CADM1: variants seen among roughly 807,000 people sequenced by gnomAD.
CADM1 encodes the protein TSLC-1.
CADM1 carries 15 observed loss-of-function variants against 53.1 expected under a neutral mutation model. That is an observed-to-expected ratio of 0.28 (90% confidence interval 0.19 to 0.44). The LOEUF is 0.44. Ranked by LOEUF, CADM1 falls within the 20% of genes least tolerant of loss-of-function variation. The pLI, the probability that CADM1 is intolerant of heterozygous loss-of-function variation, is 1.00. For synonymous variants in CADM1, 281 were observed against 243.0 expected (o/e 1.16, Z -1.45); for missense variants, 434 against 611.3 (o/e 0.71, Z 3.06).
rs61694033 is a variant in CADM1 at position 115,196,595 on chromosome 11, TAAAAAAAAAAAAA to T, written c.1111+1798_1111+1810del. Among the ~76,000 whole-genome samples, 3 of 76,896 alleles carry T rather than the reference TAAAAAAAAAAAAA, an allele frequency of 3.9e-5. No homozygotes were observed. The Admixed American group carries it at 5.6e-4, about 14-fold the overall frequency. The allele number at this position is 76,896 out of a possible 152,430, so 50.4% of individuals were successfully genotyped here. ...ACACTAACAATGATAGCTGATGAAC[TAAAAAAAAAAAAA>T]AAAAAAAAAAAATCACAAAACAATC... On this transcript the variant is annotated intron_variant, in intron 9 of 11. Transcript: ENST00000331581.
intron 7 of CADM1, among the ~76,000 whole-genome samples, chr11:115,213,489 G>GA (rs3839949): frequency 0.62 from 93,727 of 151,846 alleles, 30,162 homozygotes; most frequent in East Asian, 0.89. Context: ...ATTATGCTAG[G>GA]AAAAAAACCT....
intron 5 of CADM1, 62 bp from the exon 6 acceptor site, chr11:115,218,053 T>A: frequency 8.5e-7 from 1 of 1,180,828 alleles, no homozygotes; most frequent in Non-Finnish European, 1.3e-6. Context: ...AAAATCAGAC[T>A]CACACACTGC....
intron 8 of CADM1, among the ~76,000 whole-genome samples, chr11:115,199,743 C>T (rs1940331838): frequency 1.3e-5 from 2 of 152,188 alleles, no homozygotes. Context: ...AATGGTGAAA[C>T]TGAGACAGGA....
chr11:115,192,086 T>C (rs561082886), intron 9 of CADM1, among the ~76,000 whole-genome samples: 1 of 152,350 alleles, frequency 6.6e-6, no homozygotes, highest in East Asian at 1.9e-4. Context: ...ACAAATGCTT[T>C]TGAAACAAGT....
At chr11:115,197,861 G>C (rs1490049297) in intron 9 of CADM1, among the ~76,000 whole-genome samples, 1 of 152,162 alleles carries the variant, frequency 6.6e-6, no homozygotes. Flanking sequence ...GGGTACATAT[G>C]ATTAGCAACA....
intron 1 of CADM1, among the ~76,000 whole-genome samples, chr11:115,355,006 C>A (rs1945828112): frequency 6.6e-6 from 1 of 152,172 alleles, no homozygotes; most frequent in Non-Finnish European, 1.5e-5. Flanking sequence ...TGAACAAAAA[C>A]ACTCCTCTAC....
chr11:115,223,975 G>GAGAGAGAGAA (rs1191280191), intron 5 of CADM1, among the ~76,000 whole-genome samples: 12 of 77,564 alleles, frequency 1.5e-4, no homozygotes, highest in Admixed American at 1.0e-3. Flanking sequence ...AAAAAAAAAA[G>GAGAGAGAGAA]AGAGAGAGAG....
intron 5 of CADM1, among the ~76,000 whole-genome samples, chr11:115,221,977 G>A (rs1304368894): frequency 6.6e-6 from 1 of 152,182 alleles, no homozygotes; most frequent in Non-Finnish European, 1.5e-5. Flanking sequence ...ACTAGGTCCA[G>A]GGGCTTGAGT....
rs11215503 is a variant in CADM1, at chr11:115,342,388, C to T, written c.125-101968G>A. On this transcript the variant is annotated intron_variant, in intron 1 of 11. Transcript: ENST00000331581. Reference sequence around the variant, plus strand: ...TCTGAGAGAAACTAGGAAATCCAAACATTGCCTGTGTCCTGAAGGAGATGG... The same window carrying T: ...TCTGAGAGAAACTAGGAAATCCAAATATTGCCTGTGTCCTGAAGGAGATGG... Among the ~76,000 whole-genome samples the T allele has an allele frequency of 5.1e-3, 781 of 152,220 alleles. 8 individuals are homozygous for T. Among genetic ancestry groups the T allele is most frequent in the African/African-American group, 0.018 (751 of 41,558 alleles).
chr11:115,232,010 TAATAAC>T (rs1352182316), intron 3 of CADM1, among the ~76,000 whole-genome samples: 4 of 141,744 alleles, frequency 2.8e-5, no homozygotes, highest in Non-Finnish European at 6.1e-5. Context: ...ATAATAATAA[TAATAAC>T]AACAACAACA....
intron 1 of CADM1, among the ~76,000 whole-genome samples, chr11:115,420,653 C>G (rs1180499725): frequency 6.6e-6 from 1 of 152,180 alleles, no homozygotes; most frequent in African/African-American, 2.4e-5. Context: ...CAAAGAGGCC[C>G]AGAGGACCTG....
intron 1 of CADM1, among the ~76,000 whole-genome samples, chr11:115,270,283 C>T (rs1000773371): frequency 2.4e-4 from 36 of 152,148 alleles, no homozygotes; most frequent in African/African-American, 8.2e-4. Context: ...ACAAACTGTC[C>T]TGATTTATCC....
intron 1 of CADM1, among the ~76,000 whole-genome samples, chr11:115,350,096 C>T (rs1480336706): frequency 6.6e-6 from 1 of 152,096 alleles, no homozygotes; most frequent in Non-Finnish European, 1.5e-5. Flanking sequence ...TTCAGCCTCC[C>T]GAGTAGCTGG....
At chr11:115,455,141 T>C (rs1948655184) in intron 1 of CADM1, among the ~76,000 whole-genome samples, 1 of 152,194 alleles carries the variant, frequency 6.6e-6, no homozygotes, top group African/African-American at 2.4e-5. Context: ...TTCAGATTCT[T>C]GTTATTAACA....
intron 1 of CADM1, among the ~76,000 whole-genome samples, chr11:115,328,937 A>G (rs1307404990): frequency 1.3e-5 from 2 of 150,338 alleles, no homozygotes; most frequent in Non-Finnish European, 3.0e-5. Context: ...TGTTTTCTAT[A>G]TTAACTTTTA....
intron 1 of CADM1, among the ~76,000 whole-genome samples, chr11:115,436,821 A>T (rs114711009): frequency 2.5e-3 from 381 of 152,332 alleles, no homozygotes; most frequent in African/African-American, 9.0e-3. Flanking sequence ...TCTGGAATGC[A>T]GCAATAGTGT....
At chr11:115,200,658 G>A (rs1382336197) in intron 8 of CADM1, among the ~76,000 whole-genome samples, 1 of 152,202 alleles carries the variant, frequency 6.6e-6, no homozygotes, top group Non-Finnish European at 1.5e-5. Context: ...ACCACGCCTG[G>A]CTAATTTTGT....
intron 1 of CADM1, among the ~76,000 whole-genome samples, chr11:115,393,066 CAAAAAAA>C (rs758785520): frequency 1.1e-3 from 55 of 50,240 alleles, no homozygotes; most frequent in South Asian, 9.9e-3. Context: ...CCATCTCTTC[CAAAAAAA>C]AAAAAAAAAA....
At chr11:115,274,083 C>T (rs1226619128) in intron 1 of CADM1, among the ~76,000 whole-genome samples, 1 of 152,192 alleles carries the variant, frequency 6.6e-6, no homozygotes, top group Non-Finnish European at 1.5e-5. Context: ...TGCATAATTC[C>T]AGCCAACTTC....
Sources: gnomAD v4.1 joint callset for allele counts (sites outside exome capture counted in the v4.1 genomes callset) on GRCh38, gnomAD v4.1.1 for gene constraint, MANE v1.5 for transcripts, NCBI Gene and HGNC (gene_info 2026-07-23, HGNC 2026-07-21) for gene names.